The following CTNNA3 variants were observed in gnomAD, a reference collection of about 807,000 sequenced individuals.
CTNNA3 encodes the protein catenin alpha 3.
In CTNNA3, 76 loss-of-function variants were observed where a neutral mutation model predicts 95.7. That is an observed-to-expected ratio of 0.79 (90% CI 0.66 to 0.96). The LOEUF (loss-of-function observed/expected upper bound fraction) is 0.96, where lower values mean the gene tolerates loss of function less well. CTNNA3 is among the 40% of genes least tolerant of loss of function. The pLI, the probability that CTNNA3 is intolerant of heterozygous loss-of-function variation, is 0.00. For missense variants in CTNNA3, 1,191 were observed against 1,089.8 expected, an observed-to-expected ratio of 1.09 and a Z score of -1.31; for synonymous variants, 431 against 374.4, an observed-to-expected ratio of 1.15 and a Z score of -1.74.
At chr10:66,820,235 G>T (rs10997396) in intron 7 of CTNNA3, among the ~76,000 whole-genome samples, 5,377 of 152,124 alleles carry the variant, frequency 0.035, 154 homozygotes, top group Non-Finnish European at 0.053. Flanking sequence ...AAAGAAGCTG[G>T]TCACAAAAGC....
intron 12 of CTNNA3, among the ~76,000 whole-genome samples, chr10:66,321,760 G>C (rs189430132): frequency 1.3e-5 from 2 of 151,764 alleles, no homozygotes; most frequent in Non-Finnish European, 2.9e-5. Flanking sequence ...AAAAATTCTC[G>C]CTATTTTAAC....
intron 5 of CTNNA3, among the ~76,000 whole-genome samples, chr10:67,520,481 T>C (rs1839949642): frequency 6.6e-6 from 1 of 152,146 alleles, no homozygotes; most frequent in Non-Finnish European, 1.5e-5. Flanking sequence ...AAAACTGTAC[T>C]AAAAATTGCA....
intron 12 of CTNNA3, among the ~76,000 whole-genome samples, chr10:66,329,578 GAA>G (rs34732600): frequency 0.84 from 126,296 of 149,524 alleles, 53,391 homozygotes; most frequent in East Asian, 0.89. Context: ...ATGTTTCAGG[GAA>G]AAAAAAAAAA....
At chr10:67,473,886 T>A (rs1001594820) in intron 5 of CTNNA3, among the ~76,000 whole-genome samples, 1 of 152,172 alleles carries the variant, frequency 6.6e-6, no homozygotes, top group African/African-American at 2.4e-5. Context: ...ATTGGAACTT[T>A]ATATTATTCT....
At chr10:67,388,038 C>A (rs1844269110) in intron 5 of CTNNA3, among the ~76,000 whole-genome samples, 1 of 151,652 alleles carries the variant, frequency 6.6e-6, no homozygotes, top group Non-Finnish European at 1.5e-5. Flanking sequence ...TCCTCACCAG[C>A]AACGGAACAA....
At chr10:66,711,595 C>A (rs1473935802) in intron 9 of CTNNA3, among the ~76,000 whole-genome samples, 1 of 151,966 alleles carries the variant, frequency 6.6e-6, no homozygotes, top group African/African-American at 2.4e-5. Flanking sequence ...GTCATCCAGG[C>A]TGGAGTGCAA....
intron 5 of CTNNA3, among the ~76,000 whole-genome samples, chr10:67,324,118 C>G (rs115766695): frequency 7.2e-5 from 11 of 152,078 alleles, no homozygotes; most frequent in Non-Finnish European, 1.3e-4. Context: ...GGTTAAGAAG[C>G]TTTTGGGCTG....
At chr10:66,062,977 T>C (rs1487755645) in intron 15 of CTNNA3, among the ~76,000 whole-genome samples, 1 of 152,006 alleles carries the variant, frequency 6.6e-6, no homozygotes, top group Non-Finnish European at 1.5e-5. Context: ...CAGTAAGATA[T>C]TAATTCCTTT....
intron 10 of CTNNA3, among the ~76,000 whole-genome samples, chr10:66,526,019 T>G (rs1477529424): frequency 1.3e-5 from 2 of 152,330 alleles, no homozygotes; most frequent in Admixed American, 6.5e-5. Flanking sequence ...TTCTACAGTA[T>G]GTACATACTA....
At chr10:67,697,808 G>A (rs115681388), upstream of CTNNA3, among the ~76,000 whole-genome samples, 1,010 of 152,156 alleles carry the variant, frequency 6.6e-3, 18 homozygotes, top group African/African-American at 0.023. Context: ...TTTAGCTGAA[G>A]TATTTCCCAC....
At chr10:66,834,290 C>T (rs957322442) in intron 7 of CTNNA3, among the ~76,000 whole-genome samples, 37 of 152,210 alleles carry the variant, frequency 2.4e-4, no homozygotes, top group African/African-American at 8.7e-4. Context: ...CTGCTACACA[C>T]ATACATGTGC....
At chr10:67,032,550 C>A (rs1589634146) in intron 7 of CTNNA3, among the ~76,000 whole-genome samples, 2 of 152,088 alleles carry the variant, frequency 1.3e-5, no homozygotes, top group African/African-American at 4.8e-5. Context: ...CTACAGATTT[C>A]TTTTATGTTT....
intron 5 of CTNNA3, among the ~76,000 whole-genome samples, chr10:67,308,748 A>C (rs1181670187): frequency 6.6e-6 from 1 of 152,220 alleles, no homozygotes; most frequent in African/African-American, 2.4e-5. Flanking sequence ...TTAGAGACCC[A>C]GTTAATCAAT....
chr10:66,045,067 T>C (rs1287030251), intron 15 of CTNNA3, among the ~76,000 whole-genome samples: 1 of 152,202 alleles, frequency 6.6e-6, no homozygotes, highest in Non-Finnish European at 1.5e-5. Context: ...CATTTTCCAC[T>C]ATGCATGGTA....
Position 65,913,600 on chromosome 10 carries a change from C to A in CTNNA3, c.*6730G>T, listed in dbSNP as rs750015735. On this transcript the variant is annotated 3_prime_UTR_variant, in exon 18 of 18. Coordinates refer to ENST00000433211, the MANE Select transcript of CTNNA3 (RefSeq NM_013266.4). ...CAATGTATACTAACATGTAAAAATA[C>A]AGCATTATAATGGTATAAGATTTGG... 1 of 152,050 alleles carries A rather than the reference C, an allele frequency of 6.6e-6. No individual in the cohort carries two copies. Among genetic ancestry groups the A allele is most frequent in the African/African-American group, 2.4e-5 (1 of 41,394 alleles). 9.4% of individuals were successfully genotyped at this position (152,050 alleles called of 1,614,324 possible).
At chr10:66,570,642 C>G (rs1842843468) in intron 10 of CTNNA3, among the ~76,000 whole-genome samples, 1 of 151,114 alleles carries the variant, frequency 6.6e-6, no homozygotes, top group Non-Finnish European at 1.5e-5. Flanking sequence ...GCTAACTTGA[C>G]TTTTAAAAAC....
chr10:67,222,975 T>A (rs533616716), intron 5 of CTNNA3, among the ~76,000 whole-genome samples: 87 of 152,352 alleles, frequency 5.7e-4, no homozygotes, highest in Non-Finnish European at 1.1e-3. Flanking sequence ...GACTTTGAAA[T>A]GTTAAAAATA....
At chr10:67,387,374 G>T (rs983561006) in intron 5 of CTNNA3, among the ~76,000 whole-genome samples, 1 of 152,128 alleles carries the variant, frequency 6.6e-6, no homozygotes, top group Non-Finnish European at 1.5e-5. Flanking sequence ...GGCGCACCAC[G>T]AGAGTATATC....
rs541888763 is a variant in CTNNA3, at chr10:66,828,695, C to A, written c.1048-53171G>T. ...AGTGTTAGTGTATTGCTTATGGAAA[C>A]AGCTTCATCATTTTATTAAAACCCA... On this transcript the variant is annotated intron_variant, in intron 7 of 17. Transcript: ENST00000433211. Among the ~76,000 whole-genome samples the A allele has an allele frequency of 2.8e-4, 43 of 152,322 alleles. No homozygotes were observed. In the South Asian group the frequency reaches 3.5e-3, roughly 12 times the overall value.
Sources: allele counts gnomAD v4.1 joint callset (sites outside exome capture counted in the v4.1 genomes callset), GRCh38; gene constraint gnomAD v4.1.1; transcripts MANE v1.5; gene names NCBI Gene and HGNC (gene_info 2026-07-23, HGNC 2026-07-21).